The following RBFA variants were observed in gnomAD, a reference collection of about 807,000 sequenced individuals.
RBFA encodes putative ribosome-binding factor A, mitochondrial.
RBFA carries 16 observed loss-of-function variants against 27.9 expected under a neutral mutation model. That is an observed-to-expected ratio of 0.57 (90% CI 0.39 to 0.87). The LOEUF is 0.87. Among genes scored for constraint, RBFA ranks in the 40% least tolerant of loss-of-function variants. RBFA has a pLI of 0.00. For missense variants in RBFA, 456 were observed against 432.1 expected, an observed-to-expected ratio of 1.06 and a Z score of -0.49; for synonymous variants, 181 against 181.0, an observed-to-expected ratio of 1.00 and a Z score of 0.00.
rs748338 is a variant in RBFA, at chr18:80,037,492, G to A, written c.364G>A (p.Val122Met). The A allele has an allele frequency of 6.5e-3, 10,550 of 1,612,216 alleles. 430 individuals are homozygous for A. In the African/African-American group the frequency reaches 0.1, roughly 15 times the overall value. ...GAGTCAGGAGCTGTATGACCTTAAC[G>A]TGGAGCTCTCCAAGGTAGGCTGTGT... The part of the protein sequence containing the change: ...EVSQELYDLN[V>M]ELSKVSLTPD... The change falls in exon 3 of 7, where the codon GTG becomes ATG. Residue 122 changes from valine (V) to methionine (M), a missense_variant. By Grantham distance (21) the Val-to-Met change is conservative. Coordinates refer to ENST00000306735, the MANE Select transcript of RBFA (RefSeq NM_024805.3).
intron 1 of RBFA, chr18:80,034,993 T>C (rs2051966782): frequency 6.9e-6 from 2 of 289,280 alleles, no homozygotes; most frequent in Non-Finnish European, 1.3e-5. Context: ...ATTTGAAGAC[T>C]AAAGCTTGTC....
intron 1 of RBFA, among the ~76,000 whole-genome samples, chr18:80,036,282 C>T (rs867265047): frequency 6.6e-6 from 1 of 152,144 alleles, no homozygotes; most frequent in Non-Finnish European, 1.5e-5. Flanking sequence ...CTCCCACCAT[C>T]CATTTGCTTA....
chr18:80,044,269 G>C lies in RBFA; in HGVS notation c.634G>C (p.Val212Leu). 1 of 1,614,122 alleles carries C rather than the reference G, an allele frequency of 6.2e-7. No homozygotes were observed. Among genetic ancestry groups the C allele is most frequent in the Non-Finnish European group, 8.5e-7 (1 of 1,179,948 alleles). ...FGPRDERDNFVQNDFRDPDAP... is the reference protein window; with the variant it reads ...FGPRDERDNFLQNDFRDPDAP... ...ACCCCGGGATGAAAGAGACAACTTT[G>C]TACAAAATGATTTCAGGTGACGCAT... is the stretch of plus-strand genomic sequence containing the variant. The change falls in exon 6 of 7, where the codon GTA (valine) becomes CTA (leucine). Residue 212 changes from valine (V) to leucine (L), a missense_variant. Physicochemically the swap from Val to Leu is conservative, Grantham distance 32. Coordinates refer to ENST00000306735, the MANE Select transcript of RBFA (RefSeq NM_024805.3).
intron 6 of RBFA, among the ~76,000 whole-genome samples, chr18:80,044,661 A>G (rs1271740459): frequency 2.0e-5 from 3 of 152,236 alleles, no homozygotes; most frequent in Admixed American, 6.5e-5. Context: ...GAAGCAGTAA[A>G]CATCACAGAT....
intron 1 of RBFA, chr18:80,035,432 T>G (rs141018394): frequency 1.3e-5 from 2 of 152,422 alleles, no homozygotes; most frequent in Admixed American, 6.5e-5. Context: ...TGTGCCAGTT[T>G]TGAGGGGTAC....
In RBFA at chr18:80,047,209, C is replaced by T. The variant is rs2052061555; in HGVS notation, c.*1054C>T. On this transcript the variant is annotated 3_prime_UTR_variant, in exon 7 of 7. Coordinates refer to ENST00000306735, the MANE Select transcript of RBFA (RefSeq NM_024805.3). ...CCAGCATTTGCACATGACAGGTGCC[C>T]ACGGTGCAGGAGTAGAATCTGTGGA... 6.6e-6 allele frequency: 1 copy of T among 152,274 alleles called. No individual in the cohort carries two copies. The highest frequency in any genetic ancestry group is 6.5e-5 in the Admixed American group (1 of 15,284). 9.4% of individuals were successfully genotyped at this position (152,274 alleles called of 1,614,324 possible).
intron 5 of RBFA, among the ~76,000 whole-genome samples, chr18:80,042,689 T>G (rs1390028783): frequency 6.6e-6 from 1 of 151,652 alleles, no homozygotes; most frequent in East Asian, 1.9e-4. Context: ...AAGAATCAGT[T>G]GAACCGGGAA....
At chr18:80,036,884 A>G (rs1364060508) in intron 2 of RBFA, among the ~76,000 whole-genome samples, 174 bp downstream of exon 2, 1 of 152,214 alleles carries the variant, frequency 6.6e-6, no homozygotes, top group Non-Finnish European at 1.5e-5. Flanking sequence ...AAAAAAATGT[A>G]CTGACATTAA....
intron 5 of RBFA, among the ~76,000 whole-genome samples, chr18:80,043,009 G>T (rs926929371): frequency 1.3e-5 from 2 of 152,044 alleles, no homozygotes; most frequent in Non-Finnish European, 2.9e-5. Flanking sequence ...CTCTCGAAAT[G>T]GATCAGTCCA....
chr18:80,045,228 CTT>C (rs35063027), intron 6 of RBFA, among the ~76,000 whole-genome samples: 14 of 138,652 alleles, frequency 1.0e-4, no homozygotes, highest in East Asian at 2.1e-4. Context: ...GTTGCAAACG[CTT>C]TTTTTTTTTT....
chr18:80,044,359 G>A (rs919767188), intron 6 of RBFA, 74 bp downstream of exon 6: 2 of 1,311,404 alleles, frequency 1.5e-6, no homozygotes, highest in Non-Finnish European at 2.2e-6. Flanking sequence ...TTCCAGAGCA[G>A]CTGCCCAGCG....
At position 80,045,867 on chromosome 18, in the gene RBFA, T is replaced by C. The variant is rs770723819; in HGVS notation, c.744T>C (p.Ile248=). 3 of 1,600,496 alleles carry C rather than the reference T, an allele frequency of 1.9e-6. No homozygotes were observed. The highest frequency in any genetic ancestry group is 2.6e-6 in the Non-Finnish European group (3 of 1,173,438). The part of the protein sequence containing the change: ...GIDHEALNKQ[I]MEYKRRKDKG... ...ATCATGAGGCGCTCAACAAGCAGAT[T>C]ATGGAGTACAAAAGGAGGAAAGATA... Residue 248 remains isoleucine, a synonymous_variant, in exon 7 of 7, where the codon ATT becomes ATC. Coordinates refer to ENST00000306735, the MANE Select transcript of RBFA (RefSeq NM_024805.3).
At position 80,050,428 on chromosome 18, in the gene RBFA, GA is replaced by G. The variant is rs2052088355; in HGVS notation, c.*4278del. The stretch of plus-strand genomic sequence containing the variant: ...ATGTTTTGATACAGACATGCAATGT[GA>G]AAAAGCACATCATGGAGACTGGGGC... On this transcript the variant is annotated 3_prime_UTR_variant, in exon 7 of 7. Coordinates refer to ENST00000306735, the MANE Select transcript of RBFA (RefSeq NM_024805.3). 6.6e-6 allele frequency among the ~76,000 whole-genome samples: 1 copy of G among 152,160 alleles called. No homozygotes were observed. Among genetic ancestry groups the G allele is most frequent in the Non-Finnish European group, 1.5e-5 (1 of 68,034 alleles).
intron 1 of RBFA, chr18:80,034,898 G>T (rs2051965753): frequency 2.2e-6 from 1 of 445,488 alleles, no homozygotes; most frequent in Non-Finnish European, 4.0e-6. Flanking sequence ...GTCACCAGAC[G>T]TATTTTTCAG....
In RBFA at chr18:80,038,572, A is replaced by G. The variant is rs199954977; in HGVS notation, c.446A>G (p.Asn149Ser). 947 of 1,614,158 alleles carry G rather than the reference A, an allele frequency of 5.9e-4. No homozygotes were observed. The highest frequency in any genetic ancestry group is 7.0e-4 in the Non-Finnish European group (824 of 1,179,974). ...YWKTTLSAEQ[N>S]AHMEAVLQRS... is the part of the protein sequence containing the mutation. ...AAGACAACGCTCTCTGCTGAGCAGA[A>G]CGCACACATGGAGGCTGTCCTGCAG... Residue 149 changes from asparagine (N) to serine (S), a missense_variant, in exon 4 of 7, where the codon AAC (asparagine) becomes AGC (serine). Asn to Ser is a conservative substitution (Grantham distance 46). Coordinates refer to ENST00000306735, the MANE Select transcript of RBFA (RefSeq NM_024805.3).
At chr18:80,044,347 T>C in intron 6 of RBFA, 62 bp downstream of exon 6, 1 of 1,444,656 alleles carries the variant, frequency 6.9e-7, no homozygotes, top group Non-Finnish European at 9.7e-7. Context: ...GGAATCACCA[T>C]TTTCCAGAGC....
At position 80,049,110 on chromosome 18, in the gene RBFA, C is replaced by T. The variant is rs117845327; in HGVS notation, c.*2955C>T. On this transcript the variant is annotated 3_prime_UTR_variant, in exon 7 of 7. Transcript: ENST00000306735. ...CTTCCCTGGGAGCGAGTTAGGGACA[C>T]GGAAGCTCACCCGCTTCTGAATGGG... is the stretch of plus-strand genomic sequence containing the variant. Among the ~76,000 whole-genome samples, 5 of 151,452 alleles carry T rather than the reference C, an allele frequency of 3.3e-5. No individual in the cohort carries two copies. Among genetic ancestry groups the T allele is most frequent in the Middle Eastern group, 3.2e-3 (1 of 312 alleles).
In RBFA at chr18:80,047,774, T is replaced by A. The variant is rs554832815; in HGVS notation, c.*1619T>A. ...AAAGGCTGATGCCTCTGTTACACCG[T>A]GAGCCAAATGTTTATCTCTAGGGTT... On this transcript the variant is annotated 3_prime_UTR_variant, in exon 7 of 7. Transcript: ENST00000306735. Among the ~76,000 whole-genome samples the A allele has an allele frequency of 4.7e-4, 71 of 152,348 alleles. 1 individual carries two copies. The South Asian group carries it at 8.3e-3, about 18-fold the overall frequency.
At position 80,049,863 on chromosome 18, in the gene RBFA, T is replaced by C. The variant is rs1414758695; in HGVS notation, c.*3708T>C. On this transcript the variant is annotated 3_prime_UTR_variant, in exon 7 of 7. Transcript: ENST00000306735. ...TTGGCTGTGCATCTGAAACACCTGC[T>C]GTTTGAAGACACCTGGGCCTGGAGA... 1.3e-5 allele frequency among the ~76,000 whole-genome samples: 2 copies of C among 152,226 alleles called. No homozygotes were observed. Among genetic ancestry groups the C allele is most frequent in the Non-Finnish European group, 2.9e-5 (2 of 68,030 alleles).
Sources: allele counts gnomAD v4.1 joint callset (sites outside exome capture counted in the v4.1 genomes callset), GRCh38; gene constraint gnomAD v4.1.1; transcripts MANE v1.5; gene names NCBI Gene and HGNC (gene_info 2026-07-23, HGNC 2026-07-21).